BNIP5: variants seen among roughly 807,000 people sequenced by gnomAD.
BNIP5 encodes protein BNIP5.
Under a neutral mutation model 67.3 loss-of-function variants are expected in BNIP5, and 61 were observed. The observed-to-expected ratio is 0.91, with a 90% CI of 0.74 to 1.12. BNIP5 has a LOEUF of 1.12. Ranked by LOEUF, BNIP5 falls within the 50% of genes most tolerant of loss-of-function variation. The pLI is 0.00. For missense variants in BNIP5, 826 were observed against 816.3 expected, an observed-to-expected ratio of 1.01 and a Z score of -0.14; for synonymous variants, 317 against 319.0, an observed-to-expected ratio of 0.99 and a Z score of 0.07.
chr6:36,320,070 A>T (rs1195558563), intron 10 of BNIP5, among the ~76,000 whole-genome samples: 1 of 152,188 alleles, frequency 6.6e-6, no homozygotes, highest in Non-Finnish European at 1.5e-5. Flanking sequence ...GAAATGAGAG[A>T]ATTTATATAA....
rs35557075 is a variant in BNIP5, at chr6:36,324,000, C to CAAA, written c.1230+126_1230+128dup. Reference sequence around the variant, plus strand: ...GGGCGACAGAGCAAGACTCCGTCTCCAAAAAAAAAAAAAAAGGAGGGACTG... The same window carrying CAAA: ...GGGCGACAGAGCAAGACTCCGTCTCCAAAAAAAAAAAAAAAAAAGGAGGGACTG... On this transcript the variant is annotated intron_variant, in intron 7 of 11. Coordinates refer to ENST00000437635, the MANE Select transcript of BNIP5 (RefSeq NM_001010903.5). The CAAA allele has an allele frequency of 1.8e-3, 1,064 of 595,670 alleles. 2 individuals are homozygous for CAAA. Among genetic ancestry groups the CAAA allele is most frequent in the South Asian group, 2.7e-3 (137 of 51,196 alleles). The allele number at this position is 595,670 out of a possible 1,614,324, so 36.9% of individuals were successfully genotyped here. A position where few individuals can be genotyped will look rare whatever the true frequency, so the allele number is the denominator to read the frequency against.
intron 2 of BNIP5, 56 bp from the exon 3 acceptor site, chr6:36,328,770 G>T: frequency 1.9e-6 from 2 of 1,028,416 alleles, no homozygotes; most frequent in South Asian, 1.3e-5. Context: ...GTGTGTCAGT[G>T]ACATTCTCCT....
At position 36,336,774 on chromosome 6, in the gene BNIP5, C is replaced by G. The variant is rs1772024467; in HGVS notation, c.-67G>C. The G allele has an allele frequency of 6.6e-6, 1 of 152,268 alleles. No homozygotes were observed. Among genetic ancestry groups the G allele is most frequent in the African/African-American group, 2.4e-5 (1 of 41,456 alleles). The allele number at this position is 152,268 out of a possible 1,614,324, so 9.4% of individuals were successfully genotyped here. On this transcript the variant is annotated 5_prime_UTR_variant, in exon 1 of 12. Transcript: ENST00000437635. Reference sequence around the variant, plus strand: ...GGGCTGGGATCTTCAGACAAGAGGTCTCTGTGTTAGGCTCTGCTCCCTGTC... The same window carrying G: ...GGGCTGGGATCTTCAGACAAGAGGTGTCTGTGTTAGGCTCTGCTCCCTGTC...
chr6:36,315,795 G>A lies in BNIP5; in HGVS notation c.*1561C>T, dbSNP rs560609652. ...ATGTATTTATTTGCTCAAATAACAC[G>A]GTACAAAAATGAGACTCAGATGCCA... On this transcript the variant is annotated 3_prime_UTR_variant, in exon 12 of 12. Transcript: ENST00000437635. The A allele has an allele frequency of 2.6e-5, 4 of 152,634 alleles. No homozygotes were observed. Among genetic ancestry groups the A allele is most frequent in the Non-Finnish European group, 4.4e-5 (3 of 68,008 alleles). The allele number at this position is 152,634 out of a possible 1,614,324, so 9.5% of individuals were successfully genotyped here.
chr6:36,319,912 T>A (rs12110459), intron 10 of BNIP5, among the ~76,000 whole-genome samples: 13,041 of 152,264 alleles, frequency 0.086, 608 homozygotes, highest in African/African-American at 0.11. Context: ...TGACAAATAA[T>A]CATACTTTAT....
chr6:36,321,460 C>T (rs1283380929), intron 9 of BNIP5, among the ~76,000 whole-genome samples: 2 of 152,138 alleles, frequency 1.3e-5, no homozygotes, highest in South Asian at 2.1e-4. Flanking sequence ...TGCTGGGCCT[C>T]ACCTGTAACC....
In BNIP5 at chr6:36,322,339, T is replaced by C. The variant is rs2127363995; in HGVS notation, c.1575A>G (p.Ala525=). 2 of 1,614,160 alleles carry C rather than the reference T, an allele frequency of 1.2e-6. No homozygotes were observed. Among genetic ancestry groups the C allele is most frequent in the East Asian group, 4.5e-5 (2 of 44,886 alleles). The change falls in exon 9 of 12, where the codon GCA becomes GCG. Residue 525 remains alanine, a synonymous_variant. Transcript: ENST00000437635. ...ATTCACATGCTCCACTCAGCTGAGGTGCCCCTTCTGGCGTGTGGCCTCTAG... is the reference window on the plus strand; with the variant it reads ...ATTCACATGCTCCACTCAGCTGAGGCGCCCCTTCTGGCGTGTGGCCTCTAG... The part of the protein sequence containing the change: ...SQARGHTPEG[A]PQLSGACESK...
In BNIP5 at chr6:36,328,605, CT is replaced by C; in HGVS notation, c.719del (p.Lys240SerfsTer10). ...TGHQQEEELK[K>X]PDQDAIIQMI... Reference sequence around the variant, plus strand: ...CTAGAGATTCCGACTCACGGTCAGGCTTTTTGAGCTCCTCTTCTTGCTGATG... The same window carrying C: ...CTAGAGATTCCGACTCACGGTCAGGCTTTTGAGCTCCTCTTCTTGCTGATG... On this transcript the variant is annotated frameshift_variant, in exon 3 of 12. Transcript: ENST00000437635. LOFTEE classifies it high-confidence loss of function. 1 of 1,610,484 alleles carries C rather than the reference CT, an allele frequency of 6.2e-7. No individual in the cohort carries two copies. Among genetic ancestry groups the C allele is most frequent in the Non-Finnish European group, 8.5e-7 (1 of 1,176,646 alleles).
intron 8 of BNIP5, 128 bp downstream of exon 8, chr6:36,323,165 A>G: frequency 7.5e-7 from 1 of 1,334,994 alleles, no homozygotes; most frequent in Non-Finnish European, 1.0e-6. Flanking sequence ...GCATGGAAAG[A>G]CACAGTCAGG....
rs774711411 is a variant in BNIP5, at chr6:36,325,270, G to A, written c.1168+13C>T. 2.5e-6 allele frequency: 4 copies of A among 1,613,624 alleles called. No homozygotes were observed. In the South Asian group the frequency reaches 3.3e-5, roughly 13 times the overall value. On this transcript the variant is annotated intron_variant, in intron 6 of 11. Transcript: ENST00000437635. ...TTGCAAGGGGTGTCTGAGAAAAAGA[G>A]AGGAGTACTGACTGTATTCCGAGGC...
rs764146528 is a variant in BNIP5, at chr6:36,330,212, C to T, written c.479G>A (p.Gly160Asp). The change falls in exon 2 of 12, where the codon GGT becomes GAT. Residue 160 changes from glycine (G) to aspartate (D), a missense_variant. Coordinates refer to ENST00000437635, the MANE Select transcript of BNIP5 (RefSeq NM_001010903.5). The part of the protein sequence containing the change: ...HDKKPSRKKQ[G>D]HKKHAAEVTK... ...CACCTCGGCCGCGTGTTTCTTGTGA[C>T]CTTGCTTCTTGCGGCTGGGCTTCTT... is the stretch of plus-strand genomic sequence containing the variant. The T allele has an allele frequency of 1.9e-6, 3 of 1,614,124 alleles. No homozygotes were observed. In the South Asian group the frequency reaches 3.3e-5, roughly 18 times the overall value.
At chr6:36,327,784 C>T (rs1771797550) in intron 3 of BNIP5, among the ~76,000 whole-genome samples, 1 of 151,704 alleles carries the variant, frequency 6.6e-6, no homozygotes, top group Non-Finnish European at 1.5e-5. Context: ...GATGAGTTTA[C>T]ATGAAAAGAG....
intron 1 of BNIP5, among the ~76,000 whole-genome samples, chr6:36,333,306 C>T (rs1379689245): frequency 6.6e-6 from 1 of 152,128 alleles, no homozygotes; most frequent in Non-Finnish European, 1.5e-5. Flanking sequence ...AGGAGGCAGG[C>T]AATTTAAAAG....
Position 36,330,551 on chromosome 6 carries a change from G to A in BNIP5, c.140C>T (p.Ala47Val), listed in dbSNP as rs376415923. Residue 47 changes from alanine to valine, a missense_variant, in exon 2 of 12, where the codon GCG becomes GTG. Transcript: ENST00000437635. ...LSLPTAPSRK[A>V]LHWTTSDWAR... is the part of the protein sequence containing the mutation. ...CCAATCACTGGTCGTCCAGTGAAGC[G>A]CCTTCCTGGAGGGGGCAGTGGGCAG... 96 of 1,613,924 alleles carry A rather than the reference G, an allele frequency of 5.9e-5. No individual in the cohort carries two copies. Among genetic ancestry groups the A allele is most frequent in the African/African-American group, 1.3e-4 (10 of 75,062 alleles).
Position 36,331,868 on chromosome 6 carries a change from C to G in BNIP5, c.-4-1174G>C, listed in dbSNP as rs181522823. 1.5e-3 allele frequency among the ~76,000 whole-genome samples: 224 copies of G among 152,128 alleles called. 1 individual carries two copies. Among genetic ancestry groups the G allele is most frequent in the African/African-American group, 5.2e-3 (217 of 41,498 alleles). ...CCCCCACATCGACCCATCAGCAGAG[C>G]CTGTTGGCCTCACTCTCATAGAGCC... On this transcript the variant is annotated intron_variant, in intron 1 of 11. Transcript: ENST00000437635.
chr6:36,328,233 A>G (rs1253353144), intron 3 of BNIP5, among the ~76,000 whole-genome samples: 2 of 152,264 alleles, frequency 1.3e-5, no homozygotes, highest in Non-Finnish European at 2.9e-5. Context: ...GTAAACAACT[A>G]TAAGTATACA....
In BNIP5 at chr6:36,324,575, TTATATATATATATATATATATATATATA is replaced by T. The variant is rs58409463; in HGVS notation, c.1169-413_1169-386del. Among the ~76,000 whole-genome samples, 131 of 50,828 alleles carry T rather than the reference TTATATATATATATATATATATATATATA, an allele frequency of 2.6e-3. 3 individuals are homozygous for T. The highest frequency in any genetic ancestry group is 0.022 in the Middle Eastern group (2 of 92). The allele number at this position is 50,828 out of a possible 152,430, so 33.3% of individuals were successfully genotyped here. A position where few individuals can be genotyped will look rare whatever the true frequency, so the allele number is the denominator to read the frequency against. The stretch of plus-strand genomic sequence containing the variant: ...GGTCTTTTCAGACCTGACGGTGATA[TTATATATATATATATATATATATATATA>T]TATATATATATATATATATATATAT... On this transcript the variant is annotated intron_variant, in intron 6 of 11. Transcript: ENST00000437635.
chr6:36,322,338 G>T lies in BNIP5; in HGVS notation c.1576C>A (p.Pro526Thr). The change falls in exon 9 of 12, where the codon CCT becomes ACT. Residue 526 changes from proline (P) to threonine (T), a missense_variant. By Grantham distance (38) the Pro-to-Thr change is conservative (BLOSUM62 -1). Transcript: ENST00000437635. ...GATTCACATGCTCCACTCAGCTGAG[G>T]TGCCCCTTCTGGCGTGTGGCCTCTA... is the stretch of plus-strand genomic sequence containing the variant. ...QARGHTPEGA[P>T]QLSGACESKE... The T allele has an allele frequency of 2.5e-6, 4 of 1,614,158 alleles. No individual in the cohort carries two copies. The highest frequency in any genetic ancestry group is 3.4e-6 in the Non-Finnish European group (4 of 1,180,020).
At chr6:36,321,672 C>A (rs1771638472) in intron 9 of BNIP5, among the ~76,000 whole-genome samples, 1 of 152,194 alleles carries the variant, frequency 6.6e-6, no homozygotes, top group Non-Finnish European at 1.5e-5. Context: ...AGGGCCTACT[C>A]GTACTAAGTT....
Sources: gnomAD v4.1 joint callset for allele counts (sites outside exome capture counted in the v4.1 genomes callset) on GRCh38, gnomAD v4.1.1 for gene constraint, MANE v1.5 for transcripts, NCBI Gene and HGNC (gene_info 2026-07-23, HGNC 2026-07-21) for gene names.